The following KCNK2 variants were observed in gnomAD, a reference collection of about 807,000 sequenced individuals.
KCNK2 encodes the protein potassium channel subfamily K member 2.
KCNK2 carries 21 observed loss-of-function variants against 40.5 expected under a neutral mutation model. The ratio of observed to expected loss-of-function variants is 0.52; its 90% CI spans 0.37 to 0.75. KCNK2 has a LOEUF of 0.75. KCNK2 is among the 30% of genes least tolerant of loss of function. KCNK2 has a pLI of 0.00. For synonymous variants in KCNK2, 191 were observed against 202.2 expected (o/e 0.94, Z 0.47); for missense variants, 399 against 531.6 (o/e 0.75, Z 2.45).
intron 1 of KCNK2, among the ~76,000 whole-genome samples, chr1:215,039,832 A>G (rs1397483530): frequency 6.6e-6 from 1 of 152,172 alleles, no homozygotes; most frequent in Non-Finnish European, 1.5e-5. Context: ...TTCTCTGAAC[A>G]TCCTGAGATC....
chr1:215,140,977 T>C lies in KCNK2; in HGVS notation c.475+16227T>C, dbSNP rs141697987. Among the ~76,000 whole-genome samples the C allele has an allele frequency of 3.1e-3, 468 of 152,216 alleles. 4 individuals carry two copies. Among genetic ancestry groups the C allele is most frequent in the African/African-American group, 0.011 (450 of 41,558 alleles). On this transcript the variant is annotated intron_variant, in intron 3 of 6. Coordinates refer to ENST00000444842, the MANE Select transcript of KCNK2 (RefSeq NM_001017425.3). Reference sequence around the variant, plus strand: ...ATTTACATTCTTATTTTATATGCTTTTTTTCTATTAATTTTTAAAAACTTT... The same window carrying C: ...ATTTACATTCTTATTTTATATGCTTCTTTTCTATTAATTTTTAAAAACTTT...
chr1:215,068,508 G>T (rs2102513438), intron 1 of KCNK2, among the ~76,000 whole-genome samples: 1 of 152,174 alleles, frequency 6.6e-6, no homozygotes, highest in African/African-American at 2.4e-5. Context: ...TTTTGTTTTT[G>T]TTTTTCACTC....
Position 215,083,230 on chromosome 1 carries a change from T to TCCCCCC in KCNK2, c.-152_-151insCCCCCC. 1.2e-6 allele frequency: 1 copy of TCCCCCC among 828,158 alleles called. No homozygotes were observed. The highest frequency in any genetic ancestry group is 2.1e-5 in the South Asian group (1 of 48,466). 51.3% of individuals were successfully genotyped at this position (828,158 alleles called of 1,614,324 possible). A position where few individuals can be genotyped will look rare whatever the true frequency, so the allele number is the denominator to read the frequency against. On this transcript the variant is annotated 5_prime_UTR_variant, in exon 1 of 7. Transcript: ENST00000444842. ...CCCCCTCCCGCGTCCAGCCCCGCTC[T>TCCCCCC]CCCCACCTTGTAAAACAAAGCCGGG...
intron 2 of KCNK2, among the ~76,000 whole-genome samples, chr1:215,115,955 G>GTTTT (rs35626781): frequency 1.5e-5 from 2 of 134,052 alleles, no homozygotes; most frequent in Non-Finnish European, 1.6e-5. Context: ...TCTTCATCAT[G>GTTTT]TTTTTTTTTT....
At chr1:215,168,910 A>G (rs1211553030) in intron 3 of KCNK2, among the ~76,000 whole-genome samples, 1 of 152,194 alleles carries the variant, frequency 6.6e-6, no homozygotes, top group African/African-American at 2.4e-5. Context: ...ATGATTTTGA[A>G]AAAATAATAA....
At chr1:215,026,434 T>C (rs953990418) in intron 1 of KCNK2, among the ~76,000 whole-genome samples, 12 of 152,040 alleles carry the variant, frequency 7.9e-5, no homozygotes, top group African/African-American at 2.4e-4. Context: ...GATTTTTTTG[T>C]AAATAACATG....
chr1:215,216,943 G>A (rs1422235794), intron 6 of KCNK2, among the ~76,000 whole-genome samples: 1 of 152,110 alleles, frequency 6.6e-6, no homozygotes, highest in Non-Finnish European at 1.5e-5. Flanking sequence ...TGTTTCTTCT[G>A]TGCTAATGAT....
intron 1 of KCNK2, among the ~76,000 whole-genome samples, chr1:215,059,681 A>G (rs1658303067): frequency 6.6e-6 from 1 of 152,178 alleles, no homozygotes; most frequent in Non-Finnish European, 1.5e-5. Context: ...TGGCCCAACT[A>G]GATCACAGAA....
At chr1:215,214,834 T>C (rs1211451634) in intron 6 of KCNK2, among the ~76,000 whole-genome samples, 4 of 151,544 alleles carry the variant, frequency 2.6e-5, no homozygotes, top group Non-Finnish European at 4.4e-5. Flanking sequence ...CTCAAAAAAA[T>C]AAAAAATTGA....
Position 215,169,360 on chromosome 1 carries a change from G to A in KCNK2, c.636+1G>A, listed in dbSNP as rs1457091523. ...TGCCAAAGTGGAAGATACGTTTATT[G>A]TGAGTATGATAGATATTTAACTACG... On this transcript the variant is annotated splice_donor_variant, in intron 4 of 6. Coordinates refer to ENST00000444842, the MANE Select transcript of KCNK2 (RefSeq NM_001017425.3). LOFTEE classifies it high-confidence loss of function. 6.2e-7 allele frequency: 1 copy of A among 1,602,974 alleles called. No homozygotes were observed. The highest frequency in any genetic ancestry group is 8.5e-7 in the Non-Finnish European group (1 of 1,172,694).
chr1:215,206,660 A>T (rs1665326103), intron 6 of KCNK2, among the ~76,000 whole-genome samples: 1 of 152,106 alleles, frequency 6.6e-6, no homozygotes, highest in Non-Finnish European at 1.5e-5. Flanking sequence ...TGCCTTTTAG[A>T]CTTGTCATGT....
chr1:215,051,943 A>G (rs1199052117), intron 1 of KCNK2, among the ~76,000 whole-genome samples: 1 of 152,232 alleles, frequency 6.6e-6, no homozygotes, highest in African/African-American at 2.4e-5. Flanking sequence ...GCTCACCTGC[A>G]AACAGATAAC....
intron 1 of KCNK2, among the ~76,000 whole-genome samples, chr1:215,068,287 A>G (rs1296907034): frequency 1.3e-5 from 2 of 152,150 alleles, no homozygotes; most frequent in Non-Finnish European, 2.9e-5. Flanking sequence ...ACCAGATAAG[A>G]CATGTGGAGT....
intron 3 of KCNK2, among the ~76,000 whole-genome samples, chr1:215,160,469 G>A (rs12143339): frequency 0.57 from 86,891 of 152,036 alleles, 26,639 homozygotes; most frequent in Non-Finnish European, 0.68. Flanking sequence ...GGCTCCAGGA[G>A]CACAGGTTTA....
intron 1 of KCNK2, among the ~76,000 whole-genome samples, chr1:215,042,472 T>TCA (rs1657603948): frequency 6.6e-6 from 1 of 152,150 alleles, no homozygotes; most frequent in African/African-American, 2.4e-5. Flanking sequence ...TGATGATTTG[T>TCA]GGAAACAAAG....
In KCNK2 at chr1:215,148,080, C is replaced by CTTTCTTTTTTT. The variant is rs1553267720; in HGVS notation, c.476-21116_476-21115insCTTTTTTTTTT. ...ATTATTATTTTTTTATTTTCTTTTC[C>CTTTCTTTTTTT]TTTTTTTTTTTTTTTTTTGGCAGGG... On this transcript the variant is annotated intron_variant, in intron 3 of 6. Transcript: ENST00000444842. Among the ~76,000 whole-genome samples the CTTTCTTTTTTT allele has an allele frequency of 5.2e-4, 58 of 111,148 alleles. 10 individuals are homozygous for CTTTCTTTTTTT. Among genetic ancestry groups the CTTTCTTTTTTT allele is most frequent in the African/African-American group, 1.3e-3 (36 of 26,778 alleles). 72.9% of individuals were successfully genotyped at this position (111,148 alleles called of 152,430 possible).
intron 3 of KCNK2, among the ~76,000 whole-genome samples, chr1:215,162,071 C>A (rs994599648): frequency 1.3e-5 from 2 of 152,188 alleles, no homozygotes; most frequent in Admixed American, 6.6e-5. Context: ...TATTTCTCCA[C>A]AGCCTCTCCA....
intron 1 of KCNK2, among the ~76,000 whole-genome samples, chr1:215,035,634 A>G (rs2601627): frequency 0.85 from 129,458 of 152,004 alleles, 55,421 homozygotes; most frequent in East Asian, 0.99. Flanking sequence ...TTGTTTATGC[A>G]TTCACCTGTT....
intron 3 of KCNK2, among the ~76,000 whole-genome samples, chr1:215,143,345 A>G (rs1571660688): frequency 6.6e-6 from 1 of 152,094 alleles, no homozygotes; most frequent in Non-Finnish European, 1.5e-5. Context: ...TGGCTGGGCC[A>G]CTTTTGATTT....
Sources: allele counts gnomAD v4.1 joint callset (sites outside exome capture counted in the v4.1 genomes callset), GRCh38; gene constraint gnomAD v4.1.1; transcripts MANE v1.5; gene names NCBI Gene and HGNC (gene_info 2026-07-23, HGNC 2026-07-21).